The following TENM2 variants were observed in gnomAD, a reference collection of about 807,000 sequenced individuals.
The protein encoded by TENM2 is teneurin transmembrane protein 2.
A neutral mutation model predicts 245.2 loss-of-function variants in TENM2; 52 were observed. The observed-to-expected ratio is 0.21, with a 90% confidence interval of 0.17 to 0.27. The LOEUF is 0.27. Ranked by LOEUF, TENM2 falls within the 10% of genes least tolerant of loss-of-function variation. The pLI, the probability that TENM2 is intolerant of heterozygous loss-of-function variation, is 1.00. For missense variants in TENM2, 3,046 were observed against 3,666.8 expected (o/e 0.83, Z 4.37); for synonymous variants, 1,363 against 1,438.9 (o/e 0.95, Z 1.19).
At chr5:167,102,141 G>T in the TENM2 span, among the ~76,000 whole-genome samples, 2 of 150,924 alleles carry the variant, frequency 1.3e-5, no homozygotes, top group South Asian at 4.2e-4. Context: ...CAGGAGAATT[G>T]CGTGAATCCA....
chr5:167,155,186 A>G, the TENM2 span, among the ~76,000 whole-genome samples: 1 of 152,230 alleles, frequency 6.6e-6, no homozygotes, highest in South Asian at 2.1e-4. Flanking sequence ...GGATGAAACA[A>G]ACAAAAAAGA....
Position 168,090,506 on chromosome 5 carries a change from G to A in TENM2, c.1516-68G>A, listed in dbSNP as rs758228416. On this transcript the variant is annotated intron_variant, in intron 7 of 28. Coordinates refer to ENST00000518659, the Ensembl canonical transcript of TENM2. The stretch of plus-strand genomic sequence containing the variant: ...CTCCATTAACAAATGGGTTCGGGGG[G>A]AAGGTACCAGGTATGGGACCACATC... 4.4e-6 allele frequency: 6 copies of A among 1,375,766 alleles called. No individual in the cohort carries two copies. The Admixed American group carries it at 6.5e-5, about 15-fold the overall frequency. The allele number at this position is 1,375,766 out of a possible 1,614,324, so 85.2% of individuals were successfully genotyped here.
the TENM2 span, among the ~76,000 whole-genome samples, chr5:167,054,394 T>G: frequency 6.6e-6 from 1 of 152,294 alleles, no homozygotes; most frequent in East Asian, 1.9e-4. Context: ...CTGAATAATA[T>G]TCCATTGTCT....
intron 2 of TENM2, among the ~76,000 whole-genome samples, chr5:167,732,398 A>T (rs1325219928): frequency 6.6e-6 from 1 of 152,238 alleles, no homozygotes; most frequent in Non-Finnish European, 1.5e-5. Context: ...TGTAAAATTT[A>T]TACTTAGGGC....
intron 7 of TENM2, among the ~76,000 whole-genome samples, chr5:168,080,593 C>T (rs542597225): frequency 4.6e-5 from 7 of 152,170 alleles, no homozygotes; most frequent in African/African-American, 7.2e-5. Context: ...CCTCTACACA[C>T]GGTTTTAAGT....
chr5:168,198,733 A>G, intron 15 of TENM2, 120 bp from the exon 18 acceptor site: 1 of 1,309,434 alleles, frequency 7.6e-7, no homozygotes, highest in South Asian at 1.4e-5. Context: ...GTCTGCCTCC[A>G]AAGCCCATGG....
intron 2 of TENM2, among the ~76,000 whole-genome samples, chr5:167,768,793 T>C (rs1036542007): frequency 6.6e-6 from 1 of 152,182 alleles, no homozygotes; most frequent in Non-Finnish European, 1.5e-5. Flanking sequence ...AATGTAAAGC[T>C]CTTGCAACAA....
At chr5:167,922,289 A>T (rs1777431337) in intron 3 of TENM2, among the ~76,000 whole-genome samples, 1 of 152,056 alleles carries the variant, frequency 6.6e-6, no homozygotes, top group Admixed American at 6.6e-5. Context: ...CTTGAAGTGC[A>T]CCTGCTGTCG....
At chr5:167,846,461 G>A (rs1263031408) in intron 2 of TENM2, among the ~76,000 whole-genome samples, 4 of 152,118 alleles carry the variant, frequency 2.6e-5, no homozygotes, top group South Asian at 2.1e-4. Flanking sequence ...GAGAAGCTCT[G>A]GCCATCAGCA....
At chr5:167,265,924 A>G in the TENM2 span, among the ~76,000 whole-genome samples, 1 of 152,090 alleles carries the variant, frequency 6.6e-6, no homozygotes, top group Non-Finnish European at 1.5e-5. Context: ...TGCATTATGG[A>G]AGCCAAGTGG....
At chr5:167,279,406 A>C in the TENM2 span, among the ~76,000 whole-genome samples, 143 of 152,192 alleles carry the variant, frequency 9.4e-4, 1 homozygote, top group South Asian at 0.024. Flanking sequence ...GTATTTTATC[A>C]TCACCCTACA....
intron 2 of TENM2, among the ~76,000 whole-genome samples, chr5:167,827,104 G>A (rs776134999): frequency 6.6e-6 from 1 of 152,200 alleles, no homozygotes; most frequent in Non-Finnish European, 1.5e-5. Flanking sequence ...TCAGTTTCAT[G>A]TATGTTTCTC....
At chr5:167,139,755 A>G in the TENM2 span, among the ~76,000 whole-genome samples, 1 of 152,246 alleles carries the variant, frequency 6.6e-6, no homozygotes, top group Non-Finnish European at 1.5e-5. Flanking sequence ...AACTGATAAA[A>G]TGAACACGTG....
intron 1 of TENM2, among the ~76,000 whole-genome samples, chr5:167,313,948 C>T (rs549584206): frequency 4.6e-5 from 7 of 152,324 alleles, no homozygotes; most frequent in Admixed American, 1.3e-4. Flanking sequence ...TTCTCCTCCA[C>T]CTATTCCCTG....
chr5:167,926,897 T>A (rs923382245), intron 3 of TENM2, among the ~76,000 whole-genome samples: 4 of 152,208 alleles, frequency 2.6e-5, no homozygotes, highest in Non-Finnish European at 5.9e-5. Flanking sequence ...GTACTTGGCA[T>A]CTCTCTGTCT....
At chr5:167,620,678 C>G (rs940356943) in intron 2 of TENM2, among the ~76,000 whole-genome samples, 4 of 151,128 alleles carry the variant, frequency 2.6e-5, no homozygotes, top group Non-Finnish European at 5.9e-5. Context: ...GACAGAGCTC[C>G]CACTCTAGAC....
At chr5:167,213,780 G>T in the TENM2 span, among the ~76,000 whole-genome samples, 1 of 152,134 alleles carries the variant, frequency 6.6e-6, no homozygotes, top group Admixed American at 6.6e-5. Context: ...GCTACTAATG[G>T]TTGCAGATCT....
intron 2 of TENM2, among the ~76,000 whole-genome samples, chr5:167,697,589 C>T (rs908150956): frequency 1.3e-5 from 2 of 152,040 alleles, no homozygotes; most frequent in African/African-American, 4.8e-5. Context: ...GCAGTGGCAC[C>T]ATCTCGGCTC....
chr5:167,373,619 C>A (rs1760573250), intron 1 of TENM2, among the ~76,000 whole-genome samples: 1 of 152,112 alleles, frequency 6.6e-6, no homozygotes, highest in Non-Finnish European at 1.5e-5. Context: ...TTTTAAGGAG[C>A]CAAGTAGTAA....
Sources: allele counts gnomAD v4.1 joint callset (sites outside exome capture counted in the v4.1 genomes callset), GRCh38; gene constraint gnomAD v4.1.1; transcripts MANE v1.5; gene names NCBI Gene and HGNC (gene_info 2026-07-23, HGNC 2026-07-21).